The following PUDP variants were observed in gnomAD, a reference collection of about 807,000 sequenced individuals.
PUDP encodes the protein pseudouridine-5'-phosphatase.
In PUDP, 8 loss-of-function variants were observed where a neutral mutation model predicts 9.4. That is an observed-to-expected ratio of 0.85 (90% CI 0.50 to 1.53). The LOEUF (loss-of-function observed/expected upper bound fraction) is 1.53, where lower values mean the gene tolerates loss of function less well. Among genes scored for constraint, PUDP ranks in the 40% most tolerant of loss-of-function variants. The probability of loss-of-function intolerance (pLI) is 0.00; values close to 1 mark genes in which losing one functional copy is unlikely to be tolerated. For synonymous variants in PUDP, 99 were observed against 80.7 expected (o/e 1.23, Z -1.22); for missense variants, 188 against 189.7 (o/e 0.99, Z 0.05).
At chrX:7,135,511 TC>T (rs1267366219) in intron 1 of PUDP, among the ~76,000 whole-genome samples, 1 of 111,997 alleles carries the variant, frequency 8.9e-6, no homozygotes, top group Non-Finnish European at 1.9e-5. Flanking sequence ...ATGGGACTCT[TC>T]CTTCAGAATG....
At chrX:6,813,545 C>G (rs192096122) in intron 3 of PUDP, among the ~76,000 whole-genome samples, 5 of 111,798 alleles carry the variant, frequency 4.5e-5, no homozygotes, top group Non-Finnish European at 7.5e-5. Flanking sequence ...AATGGTCTTA[C>G]TCTCTCCTTT....
At chrX:7,036,084 C>T (rs1379671747) in intron 1 of PUDP, among the ~76,000 whole-genome samples, 4 of 112,090 alleles carry the variant, frequency 3.6e-5, no homozygotes, top group Non-Finnish European at 7.5e-5. Context: ...CATCACCAGA[C>T]AAAGATGCCC....
chrX:7,057,477 G>A, intron 3 of PUDP: 2 of 420,102 alleles, frequency 4.8e-6, no homozygotes, highest in South Asian at 8.6e-5. Flanking sequence ...AAAATGGATG[G>A]GATTAGAGGA....
At chrX:6,919,020 A>C (rs1927978138) in intron 3 of PUDP, among the ~76,000 whole-genome samples, 2 of 112,129 alleles carry the variant, frequency 1.8e-5, no homozygotes, top group Admixed American at 9.5e-5. Flanking sequence ...ACACAGAATT[A>C]GGAGAGAACA....
upstream of PUDP, among the ~76,000 whole-genome samples, chrX:6,724,930 G>A (rs369113234): frequency 1.8e-5 from 2 of 111,825 alleles, no homozygotes; most frequent in African/African-American, 6.5e-5. Flanking sequence ...TTAATACCAG[G>A]TACTTGAAAG....
intron 3 of PUDP, among the ~76,000 whole-genome samples, chrX:6,875,855 C>T (rs1401081688): frequency 1.8e-5 from 2 of 112,274 alleles, no homozygotes. Flanking sequence ...CAGTTAACCA[C>T]AGCTTCCCAC....
intron 1 of PUDP, among the ~76,000 whole-genome samples, chrX:7,120,634 G>C (rs1173443428): frequency 8.9e-6 from 1 of 112,257 alleles, no homozygotes; most frequent in Admixed American, 9.4e-5. Flanking sequence ...CAATCCTCAG[G>C]AAGGAATCAG....
At chrX:6,744,503 T>C (rs1379979161) in intron 3 of PUDP, among the ~76,000 whole-genome samples, 3 of 112,169 alleles carry the variant, frequency 2.7e-5, no homozygotes, top group African/African-American at 9.8e-5. Flanking sequence ...ATTACCCTGG[T>C]AAAACATTTC....
intron 1 of PUDP, among the ~76,000 whole-genome samples, chrX:7,038,455 C>A (rs947896305): frequency 1.8e-5 from 2 of 112,280 alleles, no homozygotes; most frequent in Non-Finnish European, 3.8e-5. Context: ...TTTCATGATG[C>A]TTAATATAAT....
intron 2 of PUDP, among the ~76,000 whole-genome samples, chrX:7,092,966 T>A (rs1602774344): frequency 1.8e-5 from 2 of 112,702 alleles, no homozygotes; most frequent in African/African-American, 6.5e-5. Context: ...TCTTGCCATT[T>A]GAAAAAGAAT....
At chrX:6,742,612 A>G (rs956825182) in intron 3 of PUDP, among the ~76,000 whole-genome samples, 2 of 111,867 alleles carry the variant, frequency 1.8e-5, no homozygotes, top group Non-Finnish European at 3.8e-5. Flanking sequence ...TCTCTACAAA[A>G]ATAAAAATTA....
chrX:7,026,669 G>A (rs1439522816), intron 1 of PUDP, among the ~76,000 whole-genome samples: 2 of 111,307 alleles, frequency 1.8e-5, no homozygotes, highest in Non-Finnish European at 1.9e-5. Flanking sequence ...AGACATTGCT[G>A]GTTTCCACCA....
intron 3 of PUDP, among the ~76,000 whole-genome samples, chrX:6,789,011 C>T (rs901802237): frequency 4.5e-5 from 5 of 111,412 alleles, no homozygotes; most frequent in South Asian, 3.7e-4. Flanking sequence ...CAGAAGAGAC[C>T]GGGCGCGGTG....
chrX:7,120,981 G>C (rs1293645232), intron 1 of PUDP, among the ~76,000 whole-genome samples: 1 of 111,809 alleles, frequency 8.9e-6, no homozygotes, highest in Non-Finnish European at 1.9e-5. Context: ...GGGTCAGAGA[G>C]AGGCAGGGGT....
rs191341465 is a variant in PUDP at position 7,131,420 on chromosome X, G to A, written c.61+16633C>T. 9.9e-5 allele frequency among the ~76,000 whole-genome samples: 11 copies of A among 110,701 alleles called. No individual in the cohort carries two copies. In the East Asian group the frequency reaches 2.8e-3, roughly 29 times the overall value. On this transcript the variant is annotated intron_variant, in intron 1 of 3. Transcript: ENST00000381077. ...GAAGGATCTGGAGATGTGGCACTCTGTATTATCCCGGTGGGCCCTACATCC... is the reference window on the plus strand; with the variant it reads ...GAAGGATCTGGAGATGTGGCACTCTATATTATCCCGGTGGGCCCTACATCC...
chrX:6,823,352 A>G (rs1485786753), intron 3 of PUDP, among the ~76,000 whole-genome samples: 1 of 112,237 alleles, frequency 8.9e-6, no homozygotes, highest in Non-Finnish European at 1.9e-5. Flanking sequence ...GAGAATCACC[A>G]TGAATGTATG....
At chrX:6,773,838 G>A (rs867402656) in intron 3 of PUDP, among the ~76,000 whole-genome samples, 67 of 111,723 alleles carry the variant, frequency 6.0e-4, no homozygotes, top group African/African-American at 1.9e-3. Flanking sequence ...TAATCTGCAG[G>A]AAATTAAAAG....
intron 1 of PUDP, among the ~76,000 whole-genome samples, chrX:7,138,015 T>C (rs1288944864): frequency 7.1e-5 from 8 of 111,922 alleles, no homozygotes; most frequent in African/African-American, 2.6e-4. Flanking sequence ...ACTGACCCTA[T>C]ATAGACTGAA....
At chrX:7,077,882 T>C (rs1276299610) in intron 2 of PUDP, among the ~76,000 whole-genome samples, 1 of 112,422 alleles carries the variant, frequency 8.9e-6, no homozygotes, top group Non-Finnish European at 1.9e-5. Flanking sequence ...ACAAGGACTA[T>C]GCTTTTGGTG....
Sources: gnomAD v4.1 joint callset for allele counts (sites outside exome capture counted in the v4.1 genomes callset) on GRCh38, gnomAD v4.1.1 for gene constraint, MANE v1.5 for transcripts, NCBI Gene and HGNC (gene_info 2026-07-23, HGNC 2026-07-21) for gene names.